Variants in FANK1 observed in about 807,000 individuals in gnomAD.
FANK1 encodes the protein fibronectin type III and ankyrin repeat domains 1.
Under a neutral mutation model 45.3 loss-of-function variants are expected in FANK1, and 44 were observed. The ratio of observed to expected loss-of-function variants is 0.97; its 90% CI spans 0.76 to 1.25. FANK1 has a LOEUF of 1.25. Among genes scored for constraint, FANK1 ranks in the 50% most tolerant of loss-of-function variants. The probability of loss-of-function intolerance (pLI) is 0.00; values close to 1 mark genes in which losing one functional copy is unlikely to be tolerated. For synonymous variants in FANK1, 149 were observed against 152.5 expected, an observed-to-expected ratio of 0.98 and a Z score of 0.17; for missense variants, 391 against 424.4, an observed-to-expected ratio of 0.92 and a Z score of 0.69.
At chr10:125,940,862 A>G (rs1433505854) in intron 1 of FANK1, among the ~76,000 whole-genome samples, 1 of 152,218 alleles carries the variant, frequency 6.6e-6, no homozygotes, top group Admixed American at 6.5e-5. Flanking sequence ...CTGTAAACAT[A>G]TTGTTAACAA....
chr10:125,975,355 T>G (rs984909740), intron 1 of FANK1, among the ~76,000 whole-genome samples: 1 of 152,242 alleles, frequency 6.6e-6, no homozygotes, highest in African/African-American at 2.4e-5. Context: ...CCTCTGGGTA[T>G]ATACCCAGTA....
chr10:125,967,039 T>G (rs1203044427), intron 1 of FANK1, among the ~76,000 whole-genome samples: 3 of 152,250 alleles, frequency 2.0e-5, no homozygotes, highest in Non-Finnish European at 4.4e-5. Flanking sequence ...TCCACACTTT[T>G]AATGACTAAA....
chr10:125,984,524 T>C (rs1351183574), intron 2 of FANK1, among the ~76,000 whole-genome samples: 3 of 151,860 alleles, frequency 2.0e-5, no homozygotes, highest in African/African-American at 7.3e-5. Context: ...GGGAAGACTG[T>C]GGGTGGAGTA....
intron 2 of FANK1, among the ~76,000 whole-genome samples, chr10:125,981,185 C>T (rs1269391962): frequency 6.6e-6 from 1 of 152,180 alleles, no homozygotes; most frequent in Non-Finnish European, 1.5e-5. Flanking sequence ...ATGCTTCTGG[C>T]ATGAACCAAT....
chr10:125,972,976 G>A (rs1480382152), intron 1 of FANK1: 1 of 152,466 alleles, frequency 6.6e-6, no homozygotes. Flanking sequence ...TCCGGGCTCT[G>A]TACCAGATCT....
intron 1 of FANK1, among the ~76,000 whole-genome samples, chr10:125,918,585 A>AAAAAAAAAAC (rs1554913277): frequency 1.4e-5 from 1 of 70,976 alleles, no homozygotes; most frequent in African/African-American, 7.9e-5. Flanking sequence ...AAAAAAAAAA[A>AAAAAAAAAAC]ATATATATAT....
Position 126,004,980 on chromosome 10 carries a change from A to C in FANK1, c.636A>C (p.Thr212=). The C allele has an allele frequency of 5.6e-6, 9 of 1,614,222 alleles. No individual in the cohort carries two copies. The highest frequency in any genetic ancestry group is 7.6e-6 in the Non-Finnish European group (9 of 1,180,032). The part of the protein sequence containing the change: ...SWQARDLGGC[T]ALHWAADGGH... ...AGGCTAGAGACCTGGGAGGCTGTAC[A>C]GCTCTGCACTGGGCTGCAGATGGAG... is the stretch of plus-strand genomic sequence containing the variant. The change falls in exon 7 of 11, where the codon ACA becomes ACC. Residue 212 remains threonine, a synonymous_variant. Transcript: ENST00000368693.
chr10:125,988,639 T>C lies in FANK1; in HGVS notation c.280T>C (p.Cys94Arg). 6.2e-7 allele frequency: 1 copy of C among 1,613,982 alleles called. No individual in the cohort carries two copies. The highest frequency in any genetic ancestry group is 1.3e-5 in the African/African-American group (1 of 74,962). ...GAAGGTCACCAGCCCCTCTGGGGAG[T>C]GTGAGTACAGCCCACTCGTCTCAGT... ...RLKVTSPSGE[C>R]EYSPLVSVST... Residue 94 changes from cysteine (C) to arginine (R), a missense_variant, in exon 3 of 11, where the codon TGT (cysteine) becomes CGT (arginine). By Grantham distance (180) the Cys-to-Arg change is radical. Transcript: ENST00000368693.
At chr10:125,972,441 A>G (rs1950575921) in intron 1 of FANK1, 1 of 152,192 alleles carries the variant, frequency 6.6e-6, no homozygotes, top group Non-Finnish European at 1.5e-5. Flanking sequence ...AAGAGAAAGT[A>G]GAAAGTATAT....
intron 1 of FANK1, among the ~76,000 whole-genome samples, chr10:125,970,570 C>T (rs759522086): frequency 3.3e-5 from 5 of 152,246 alleles, no homozygotes; most frequent in African/African-American, 7.2e-5. Flanking sequence ...CCCGGCGCCT[C>T]GGGAGGCCGA....
chr10:125,952,265 G>A (rs911839739), intron 1 of FANK1, among the ~76,000 whole-genome samples: 1 of 151,988 alleles, frequency 6.6e-6, no homozygotes, highest in Admixed American at 6.6e-5. Flanking sequence ...CTTGACAGGT[G>A]AAAACTTTTA....
At chr10:125,917,607 AT>A (rs1301489092) in intron 1 of FANK1, among the ~76,000 whole-genome samples, 3 of 148,288 alleles carry the variant, frequency 2.0e-5, no homozygotes, top group African/African-American at 7.4e-5. Context: ...AGAAAAGTCA[AT>A]TTCTTCTGTG....
chr10:125,923,246 T>G (rs1204719674), intron 1 of FANK1, among the ~76,000 whole-genome samples: 1 of 151,548 alleles, frequency 6.6e-6, no homozygotes, highest in African/African-American at 2.4e-5. Flanking sequence ...ACCACTTGAC[T>G]ACAGTAGTTC....
intron 1 of FANK1, among the ~76,000 whole-genome samples, chr10:125,898,348 C>G (rs1448182554): frequency 6.6e-6 from 1 of 151,968 alleles, no homozygotes; most frequent in Admixed American, 6.6e-5. Flanking sequence ...AACAACGGAT[C>G]GGACAGTGTT....
rs1339161572 is a variant in FANK1, at chr10:125,989,336, G to A, written c.316+661G>A. On this transcript the variant is annotated intron_variant, in intron 3 of 10. Coordinates refer to ENST00000368693, the MANE Select transcript of FANK1 (RefSeq NM_145235.5). ...TAGGATGGTCACAAGTGTTCTCCAC[G>A]GCCCACCCACTGAAAACACAGGCAA... The A allele has an allele frequency of 8.4e-6, 13 of 1,550,996 alleles. No homozygotes were observed. The East Asian group carries it at 2.0e-4, about 23-fold the overall frequency.
chr10:125,910,839 C>T (rs1241600787), intron 1 of FANK1, among the ~76,000 whole-genome samples: 4 of 152,044 alleles, frequency 2.6e-5, no homozygotes, highest in Non-Finnish European at 4.4e-5. Context: ...TTGAGACCAT[C>T]CTGGCTAACA....
chr10:125,926,970 A>T (rs1947388635), intron 1 of FANK1, among the ~76,000 whole-genome samples: 1 of 152,276 alleles, frequency 6.6e-6, no homozygotes, highest in African/African-American at 2.4e-5. Flanking sequence ...AGAAATGGAT[A>T]TGACCAGCAA....
rs144597498 is a variant in FANK1, at chr10:125,955,439, C to T, written c.14-24722C>T. Among the ~76,000 whole-genome samples the T allele has an allele frequency of 1.7e-3, 252 of 152,202 alleles. 1 individual carries two copies. The highest frequency in any genetic ancestry group is 9.6e-3 in the South Asian group (46 of 4,808). The stretch of plus-strand genomic sequence containing the variant: ...CCCTGCAAAGGATATGATCTTGTTC[C>T]TTTTTATGGCTGCATAGTTGTAACA... On this transcript the variant is annotated intron_variant, in intron 1 of 10. Transcript: ENST00000368693.
intron 1 of FANK1, among the ~76,000 whole-genome samples, chr10:125,905,139 A>C (rs952768856): frequency 9.0e-5 from 10 of 111,168 alleles, no homozygotes; most frequent in East Asian, 4.7e-4. Context: ...CCAAAAAAAA[A>C]AAAAAAAAAA....
Sources: allele counts gnomAD v4.1 joint callset (sites outside exome capture counted in the v4.1 genomes callset), GRCh38; gene constraint gnomAD v4.1.1; transcripts MANE v1.5; gene names NCBI Gene and HGNC (gene_info 2026-07-23, HGNC 2026-07-21).